Variants in SIK3 observed in about 807,000 individuals in gnomAD.
SIK3 encodes serine/threonine-protein kinase SIK3.
In SIK3, 28 loss-of-function variants were observed where a neutral mutation model predicts 144.2. That is an observed-to-expected ratio of 0.19 (90% confidence interval 0.14 to 0.27). SIK3 has a LOEUF of 0.27. SIK3 is among the 10% of genes least tolerant of loss of function. The probability of loss-of-function intolerance (pLI) is 1.00; values close to 1 mark genes in which losing one functional copy is unlikely to be tolerated. For synonymous variants in SIK3, 686 were observed against 676.3 expected (o/e 1.01, Z -0.22); for missense variants, 1,319 against 1,776.0 (o/e 0.74, Z 4.62).
intron 1 of SIK3, among the ~76,000 whole-genome samples, chr11:117,085,506 G>T (rs1954965441): frequency 6.6e-6 from 1 of 152,138 alleles, no homozygotes; most frequent in Admixed American, 6.6e-5. Flanking sequence ...CCGATGAAAT[G>T]AAAGGATTCT....
chr11:116,910,256 T>C (rs1160575772), intron 4 of SIK3, among the ~76,000 whole-genome samples: 1 of 152,078 alleles, frequency 6.6e-6, no homozygotes, highest in Non-Finnish European at 1.5e-5. Context: ...TAAAAAAAAT[T>C]AGGTTTTCCT....
intron 1 of SIK3, among the ~76,000 whole-genome samples, chr11:117,009,628 T>C (rs1319447220): frequency 6.6e-6 from 1 of 151,984 alleles, no homozygotes; most frequent in Non-Finnish European, 1.5e-5. Flanking sequence ...ATATAACCAA[T>C]TCATAAATAC....
intron 3 of SIK3, among the ~76,000 whole-genome samples, chr11:116,952,640 T>C (rs1320714456): frequency 6.6e-6 from 1 of 152,132 alleles, no homozygotes; most frequent in Admixed American, 6.6e-5. Flanking sequence ...TCTCCAAGAG[T>C]TAACCAAACT....
chr11:116,910,236 C>T (rs144293119), intron 4 of SIK3, among the ~76,000 whole-genome samples: 146 of 151,552 alleles, frequency 9.6e-4, no homozygotes, highest in Non-Finnish European at 1.3e-3. Flanking sequence ...GAGCTGTTAA[C>T]GAAGAACACT....
intron 1 of SIK3, among the ~76,000 whole-genome samples, chr11:116,972,268 G>A (rs902871669): frequency 1.3e-5 from 2 of 151,968 alleles, no homozygotes; most frequent in Non-Finnish European, 1.5e-5. Context: ...CCAGACAGTC[G>A]AGCTCAAGAA....
chr11:116,868,997 TA>T (rs1565385724), intron 14 of SIK3: 1 of 152,126 alleles, frequency 6.6e-6, no homozygotes, highest in African/African-American at 2.4e-5. Flanking sequence ...AATGTTGGTC[TA>T]AAGAAGAAAG....
intron 1 of SIK3, among the ~76,000 whole-genome samples, chr11:117,028,027 C>G (rs1952094006): frequency 1.3e-5 from 2 of 152,126 alleles, no homozygotes; most frequent in Non-Finnish European, 2.9e-5. Flanking sequence ...ACAATATTAA[C>G]TAAAATTTGC....
At chr11:116,852,910 T>G (rs1942582210) in intron 21 of SIK3, among the ~76,000 whole-genome samples, 3 of 152,138 alleles carry the variant, frequency 2.0e-5, no homozygotes, top group Non-Finnish European at 4.4e-5. Flanking sequence ...CTGCTCAAGT[T>G]TCAGTATCAT....
At chr11:117,054,491 A>C (rs1290039626) in intron 1 of SIK3, among the ~76,000 whole-genome samples, 1 of 152,232 alleles carries the variant, frequency 6.6e-6, no homozygotes, top group Non-Finnish European at 1.5e-5. Flanking sequence ...TGATATGAGC[A>C]GATCTACCTA....
At chr11:117,046,528 T>C (rs10750100) in intron 1 of SIK3, among the ~76,000 whole-genome samples, 126,111 of 152,120 alleles carry the variant, frequency 0.83, 52,902 homozygotes, top group Non-Finnish European at 0.89. Flanking sequence ...TCAATCTATG[T>C]CTATTTAGAA....
At chr11:117,001,180 G>A (rs1950835434) in intron 1 of SIK3, among the ~76,000 whole-genome samples, 1 of 152,206 alleles carries the variant, frequency 6.6e-6, no homozygotes, top group Non-Finnish European at 1.5e-5. Context: ...TTAATGTCTT[G>A]ACTAATTTCT....
chr11:116,926,779 G>A (rs1231059105), intron 4 of SIK3, among the ~76,000 whole-genome samples: 4 of 152,136 alleles, frequency 2.6e-5, no homozygotes. Flanking sequence ...CCAGCACTTT[G>A]GGAGACCAAG....
At chr11:116,913,670 T>G (rs574812053) in intron 4 of SIK3, among the ~76,000 whole-genome samples, 98 of 152,312 alleles carry the variant, frequency 6.4e-4, no homozygotes, top group Non-Finnish European at 1.2e-3. Context: ...GTAAAGAATA[T>G]CAACAAGAAC....
intron 16 of SIK3, among the ~76,000 whole-genome samples, chr11:116,862,931 T>C (rs1159721883): frequency 6.6e-6 from 1 of 152,002 alleles, no homozygotes; most frequent in African/African-American, 2.4e-5. Flanking sequence ...AAAAATTAGC[T>C]GGCATGGTGG....
intron 10 of SIK3, 22 bp from the exon 11 acceptor site, chr11:116,875,289 T>C: frequency 6.2e-7 from 1 of 1,613,376 alleles, no homozygotes. Context: ...GGAAACACCA[T>C]CGAGTTAGAA....
chr11:116,848,941 C>T (rs1288565950), intron 22 of SIK3, among the ~76,000 whole-genome samples, 179 bp downstream of exon 22: 3 of 152,064 alleles, frequency 2.0e-5, no homozygotes, highest in African/African-American at 4.8e-5. Context: ...CCCGCCTGGG[C>T]GACAGAGTGA....
intron 1 of SIK3, among the ~76,000 whole-genome samples, chr11:117,054,210 G>A (rs962556061): frequency 6.6e-6 from 1 of 152,204 alleles, no homozygotes; most frequent in African/African-American, 2.4e-5. Context: ...AGATGTTTGG[G>A]GTGGAAGGCT....
At chr11:117,083,130 C>G (rs934564863) in intron 1 of SIK3, among the ~76,000 whole-genome samples, 1 of 152,136 alleles carries the variant, frequency 6.6e-6, no homozygotes, top group Admixed American at 6.6e-5. Flanking sequence ...CACTGCTATA[C>G]GAGGTTGTGA....
At chr11:116,975,701 A>AGG (rs1236122108) in intron 1 of SIK3, among the ~76,000 whole-genome samples, 16 of 152,044 alleles carry the variant, frequency 1.1e-4, no homozygotes, top group Non-Finnish European at 2.2e-4. Flanking sequence ...ATGTGTTTTC[A>AGG]CTTATCTTGG....
Sources: allele counts gnomAD v4.1 joint callset (sites outside exome capture counted in the v4.1 genomes callset), GRCh38; gene constraint gnomAD v4.1.1; transcripts MANE v1.5; gene names NCBI Gene and HGNC (gene_info 2026-07-23, HGNC 2026-07-21).